The following PSD3 variants were observed in gnomAD, a reference collection of about 807,000 sequenced individuals.
PSD3 encodes the protein PH and SEC7 domain-containing protein 3.
In PSD3, 49 loss-of-function variants were observed where a neutral mutation model predicts 105.5. That is an observed-to-expected ratio of 0.46 (90% CI 0.37 to 0.59). The LOEUF (loss-of-function observed/expected upper bound fraction) is 0.59. Among genes scored for constraint, PSD3 ranks in the 20% least tolerant of loss-of-function variants. PSD3 has a pLI of 0.00. For synonymous variants in PSD3, 557 were observed against 457.8 expected (o/e 1.22, Z -2.77); for missense variants, 1,561 against 1,263.8 (o/e 1.24, Z -3.57).
At chr8:18,862,827 G>T (rs1816548011) in intron 4 of PSD3, among the ~76,000 whole-genome samples, 1 of 143,304 alleles carries the variant, frequency 7.0e-6, no homozygotes, top group East Asian at 2.1e-4. Flanking sequence ...AACTGAGGAA[G>T]AAAGAGAATA....
At chr8:18,992,739 C>G (rs1825869896) in intron 1 of PSD3, among the ~76,000 whole-genome samples, 1 of 152,066 alleles carries the variant, frequency 6.6e-6, no homozygotes. Context: ...CATTAGAAAC[C>G]ATAATTTTTT....
chr8:18,799,152 T>A (rs1810459343), intron 8 of PSD3, 143 bp downstream of exon 8: 2 of 721,130 alleles, frequency 2.8e-6, no homozygotes, highest in South Asian at 3.2e-5. Flanking sequence ...TATTTCTTTT[T>A]TCAAAGATTT....
chr8:18,852,511 G>A (rs936424514), intron 4 of PSD3, among the ~76,000 whole-genome samples: 7 of 152,290 alleles, frequency 4.6e-5, no homozygotes, highest in South Asian at 2.1e-4. Context: ...ACACAATGCT[G>A]CTCCCCATAT....
chr8:18,529,770 A>G lies in PSD3; in HGVS notation c.*5973T>C, dbSNP rs1413841022. 1 of 152,628 alleles carries G rather than the reference A, an allele frequency of 6.6e-6. No homozygotes were observed. The highest frequency in any genetic ancestry group is 6.5e-5 in the Admixed American group (1 of 15,276). 9.5% of individuals were successfully genotyped at this position (152,628 alleles called of 1,614,324 possible). A position where few individuals can be genotyped will look rare whatever the true frequency, so the allele number is the denominator to read the frequency against. ...AAACATTTCAAATGGTTAAGGCCCA[A>G]AAATGAAACGTTTTGCTTCTCCTAC... On this transcript the variant is annotated 3_prime_UTR_variant, in exon 16 of 16. Transcript: ENST00000327040.
chr8:19,072,435 C>G (rs1829302755), intron 1 of PSD3, among the ~76,000 whole-genome samples: 1 of 152,200 alleles, frequency 6.6e-6, no homozygotes, highest in African/African-American at 2.4e-5. Context: ...TTTTCAAAGT[C>G]TCACTTGTTC....
intron 9 of PSD3, among the ~76,000 whole-genome samples, chr8:18,677,607 G>A (rs566319082): frequency 2.6e-5 from 4 of 152,260 alleles, no homozygotes; most frequent in African/African-American, 9.6e-5. Flanking sequence ...GGAATAAACA[G>A]TTATCGATAA....
intron 13 of PSD3, 126 bp downstream of exon 13, chr8:18,575,002 T>A (rs1802384597): frequency 5.5e-6 from 5 of 910,404 alleles, no homozygotes; most frequent in Non-Finnish European, 6.3e-6. Context: ...TTCTCTAATG[T>A]AAGCAGTTGA....
intron 1 of PSD3, among the ~76,000 whole-genome samples, chr8:19,053,949 G>T (rs1170915376): frequency 6.6e-6 from 1 of 152,198 alleles, no homozygotes; most frequent in Non-Finnish European, 1.5e-5. Context: ...CTGCTTACTT[G>T]GTTGGCTTTC....
At chr8:18,905,186 C>T (rs184241440) in intron 2 of PSD3, among the ~76,000 whole-genome samples, 1 of 152,140 alleles carries the variant, frequency 6.6e-6, no homozygotes, top group African/African-American at 2.4e-5. Flanking sequence ...CAGCATCCCC[C>T]CTAAGTTACA....
At chr8:18,993,566 GATTGCT>G (rs1325674507) in intron 1 of PSD3, among the ~76,000 whole-genome samples, 1 of 152,016 alleles carries the variant, frequency 6.6e-6, no homozygotes, top group Non-Finnish European at 1.5e-5. Flanking sequence ...CTGCTGCTGT[GATTGCT>G]AGTAACAATA....
intron 9 of PSD3, among the ~76,000 whole-genome samples, chr8:18,742,148 G>T (rs952872339): frequency 6.6e-6 from 1 of 152,126 alleles, no homozygotes; most frequent in Non-Finnish European, 1.5e-5. Context: ...ACAGAAGAAA[G>T]TTTCACCTTT....
intron 9 of PSD3, among the ~76,000 whole-genome samples, chr8:18,728,120 G>A (rs903190599): frequency 6.6e-6 from 1 of 152,136 alleles, no homozygotes; most frequent in African/African-American, 2.4e-5. Context: ...TCACAAAGGA[G>A]TTTATCATTA....
At chr8:19,079,828 T>A (rs369902275) in intron 1 of PSD3, among the ~76,000 whole-genome samples, 2 of 152,114 alleles carry the variant, frequency 1.3e-5, no homozygotes, top group Admixed American at 1.3e-4. Context: ...GTAAGTTTCC[T>A]GTAGTGAAGT....
chr8:19,081,754 T>C (rs1180800604), intron 1 of PSD3, among the ~76,000 whole-genome samples: 3 of 152,178 alleles, frequency 2.0e-5, no homozygotes, highest in Non-Finnish European at 2.9e-5. Flanking sequence ...TGATGTTTCA[T>C]CACTGAGAGA....
chr8:18,577,185 A>G (rs1470557229), intron 12 of PSD3, among the ~76,000 whole-genome samples: 3 of 151,936 alleles, frequency 2.0e-5, no homozygotes, highest in Non-Finnish European at 4.4e-5. Flanking sequence ...AATATCAAAT[A>G]ATGTGCTTCT....
intron 4 of PSD3, among the ~76,000 whole-genome samples, chr8:18,823,322 T>C (rs1246663817): frequency 6.6e-6 from 1 of 152,230 alleles, no homozygotes; most frequent in Non-Finnish European, 1.5e-5. Context: ...TTTGAATTCC[T>C]ATCATTGGAA....
intron 15 of PSD3, among the ~76,000 whole-genome samples, chr8:18,554,576 G>A (rs1800957821): frequency 6.6e-6 from 1 of 152,022 alleles, no homozygotes; most frequent in Non-Finnish European, 1.5e-5. Flanking sequence ...TTAATCAAAT[G>A]CTACATTTGA....
chr8:18,670,600 A>G (rs548652276), intron 9 of PSD3, among the ~76,000 whole-genome samples: 1 of 152,190 alleles, frequency 6.6e-6, no homozygotes, highest in Non-Finnish European at 1.5e-5. Flanking sequence ...ACATACCTCA[A>G]GCACAAATAA....
At chr8:18,722,264 C>T (rs73593513) in intron 9 of PSD3, among the ~76,000 whole-genome samples, 1 of 152,120 alleles carries the variant, frequency 6.6e-6, no homozygotes, top group Non-Finnish European at 1.5e-5. Context: ...CCTAACTAGA[C>T]AAGAAGCTGG....
Sources: gnomAD v4.1 joint callset for allele counts (sites outside exome capture counted in the v4.1 genomes callset) on GRCh38, gnomAD v4.1.1 for gene constraint, MANE v1.5 for transcripts, NCBI Gene and HGNC (gene_info 2026-07-23, HGNC 2026-07-21) for gene names.